ABLIM3: variants seen among roughly 807,000 people sequenced by gnomAD.
The protein encoded by ABLIM3 is actin binding LIM protein family member 3.
ABLIM3 carries 61 observed loss-of-function variants against 109.5 expected under a neutral mutation model. The observed-to-expected ratio is 0.56, with a 90% CI of 0.45 to 0.69. The LOEUF (loss-of-function observed/expected upper bound fraction) is 0.69, where lower values mean the gene tolerates loss of function less well. Among genes scored for constraint, ABLIM3 ranks in the 30% least tolerant of loss-of-function variants. The pLI is 0.00. For synonymous variants in ABLIM3, 300 were observed against 324.8 expected (o/e 0.92, Z 0.82); for missense variants, 796 against 889.5 (o/e 0.89, Z 1.34).
At chr5:149,190,615 G>A (rs1471730279) in intron 3 of ABLIM3, among the ~76,000 whole-genome samples, 5 of 152,174 alleles carry the variant, frequency 3.3e-5, no homozygotes, top group Non-Finnish European at 5.9e-5. Flanking sequence ...AGGAGGCGGA[G>A]GTTGCAGTGA....
At chr5:149,170,129 C>T in intron 2 of ABLIM3, among the ~76,000 whole-genome samples, 1 of 152,020 alleles carries the variant, frequency 6.6e-6, no homozygotes, top group East Asian at 1.9e-4. Context: ...TTCCTCCCAC[C>T]CTCCAGTGTA....
intron 8 of ABLIM3, among the ~76,000 whole-genome samples, chr5:149,227,775 T>G (rs1290090135): frequency 1.3e-5 from 2 of 152,236 alleles, no homozygotes; most frequent in Non-Finnish European, 2.9e-5. Context: ...GAGTCTAGAT[T>G]GTACTACTTG....
intron 7 of ABLIM3, among the ~76,000 whole-genome samples, chr5:149,212,217 C>T (rs1759630984): frequency 6.6e-6 from 1 of 152,108 alleles, no homozygotes; most frequent in Non-Finnish European, 1.5e-5. Flanking sequence ...CAGAGAGAGT[C>T]AGAGACAATG....
chr5:149,177,698 G>A (rs1756070685), intron 2 of ABLIM3, among the ~76,000 whole-genome samples: 1 of 152,192 alleles, frequency 6.6e-6, no homozygotes, highest in South Asian at 2.1e-4. Context: ...TGCTGGACTT[G>A]TCAGAAAATG....
chr5:149,175,901 C>T (rs1049144272), intron 2 of ABLIM3, among the ~76,000 whole-genome samples: 1 of 152,126 alleles, frequency 6.6e-6, no homozygotes, highest in Non-Finnish European at 1.5e-5. Flanking sequence ...GAAGGCAGCA[C>T]GAGCCGTGTT....
At chr5:149,245,983 C>T (rs568552923) in intron 16 of ABLIM3, among the ~76,000 whole-genome samples, 8 of 152,154 alleles carry the variant, frequency 5.3e-5, no homozygotes, top group African/African-American at 1.9e-4. Context: ...GACAACATAG[C>T]ACTTCTTCTC....
chr5:149,250,377 C>G, intron 19 of ABLIM3, 70 bp from the exon 20 acceptor site: 1 of 1,525,206 alleles, frequency 6.6e-7, no homozygotes, highest in South Asian at 1.1e-5. Flanking sequence ...CCATTGGTAG[C>G]CAGATGACCT....
intron 2 of ABLIM3, among the ~76,000 whole-genome samples, chr5:149,147,308 A>T (rs1347197127): frequency 3.3e-5 from 5 of 152,116 alleles, no homozygotes; most frequent in Non-Finnish European, 7.4e-5. Context: ...CTTTTTCCAT[A>T]TCTTTTGAGA....
intron 2 of ABLIM3, among the ~76,000 whole-genome samples, chr5:149,145,163 G>A (rs1170564196): frequency 6.6e-6 from 1 of 151,952 alleles, no homozygotes; most frequent in East Asian, 1.9e-4. Flanking sequence ...CTCTAGTAGT[G>A]CCCAGTGTCT....
chr5:149,141,904 G>A, intron 1 of ABLIM3, 105 bp from the exon 2 acceptor site: 1 of 780,048 alleles, frequency 1.3e-6, no homozygotes, highest in Non-Finnish European at 2.2e-6. Context: ...TAGTCCACGC[G>A]CCTTCAAGGC....
intron 2 of ABLIM3, among the ~76,000 whole-genome samples, chr5:149,142,783 C>T (rs898891772): frequency 6.6e-6 from 1 of 152,158 alleles, no homozygotes; most frequent in Non-Finnish European, 1.5e-5. Flanking sequence ...AGATATTTTG[C>T]TGCCAGGTAG....
chr5:149,213,282 C>T (rs1759743364), intron 7 of ABLIM3, among the ~76,000 whole-genome samples: 1 of 152,146 alleles, frequency 6.6e-6, no homozygotes, highest in South Asian at 2.1e-4. Flanking sequence ...TGACACCAAC[C>T]TTGGCGAGCA....
intron 8 of ABLIM3, among the ~76,000 whole-genome samples, chr5:149,226,318 T>C (rs1397799239): frequency 6.6e-6 from 1 of 151,896 alleles, no homozygotes; most frequent in African/African-American, 2.4e-5. Flanking sequence ...ACCCCGTATC[T>C]ACTAAAAATA....
intron 6 of ABLIM3, among the ~76,000 whole-genome samples, 197 bp from the exon 7 acceptor site, chr5:149,210,529 C>T (rs1581138333): frequency 2.0e-5 from 3 of 152,150 alleles, no homozygotes; most frequent in Non-Finnish European, 4.4e-5. Context: ...AGGAGGTGGT[C>T]CCAGGAGGCT....
chr5:149,169,146 G>T (rs1380186869), intron 2 of ABLIM3, among the ~76,000 whole-genome samples: 1 of 131,310 alleles, frequency 7.6e-6, no homozygotes, highest in African/African-American at 3.4e-5. Flanking sequence ...TCCAGAGCTG[G>T]TCCAGAAAGC....
intron 3 of ABLIM3, among the ~76,000 whole-genome samples, chr5:149,186,675 T>A (rs1020374806): frequency 3.3e-5 from 5 of 152,126 alleles, no homozygotes; most frequent in Non-Finnish European, 7.4e-5. Flanking sequence ...CATAGTGTTA[T>A]CAGGAAAATG....
At chr5:149,157,332 G>A (rs1287129866) in intron 2 of ABLIM3, among the ~76,000 whole-genome samples, 3 of 152,164 alleles carry the variant, frequency 2.0e-5, no homozygotes, top group Non-Finnish European at 4.4e-5. Flanking sequence ...AGTATGCGGA[G>A]CAAATCCTCC....
intron 7 of ABLIM3, among the ~76,000 whole-genome samples, chr5:149,213,071 CCACTA>C (rs1424631827): frequency 6.6e-6 from 1 of 152,142 alleles, no homozygotes; most frequent in African/African-American, 2.4e-5. Context: ...TGAGATTGCA[CCACTA>C]CACTCCCGCC....
intron 23 of ABLIM3, among the ~76,000 whole-genome samples, chr5:149,254,418 T>C (rs745410831): frequency 3.9e-5 from 6 of 152,200 alleles, no homozygotes; most frequent in Non-Finnish European, 7.3e-5. Flanking sequence ...GGACAAACAT[T>C]GTCTGCCCTC....
Sources: gnomAD v4.1 joint callset for allele counts (sites outside exome capture counted in the v4.1 genomes callset) on GRCh38, gnomAD v4.1.1 for gene constraint, MANE v1.5 for transcripts, NCBI Gene and HGNC (gene_info 2026-07-23, HGNC 2026-07-21) for gene names.